Variants in RMDN2 observed in about 807,000 individuals in gnomAD.
RMDN2 encodes the protein regulator of microtubule dynamics protein 2.
In RMDN2, 61 loss-of-function variants were observed where a neutral mutation model predicts 52.8. The observed-to-expected ratio is 1.16, with a 90% CI of 0.94 to 1.43. The LOEUF (loss-of-function observed/expected upper bound fraction) is 1.43. Ranked by LOEUF, RMDN2 falls within the 40% of genes most tolerant of loss-of-function variation. RMDN2 has a pLI of 0.00. For missense variants in RMDN2, 592 were observed against 475.3 expected (o/e 1.25, Z -2.28); for synonymous variants, 180 against 153.1 (o/e 1.18, Z -1.30).
At chr2:38,012,629 A>T (rs1000763141) in intron 10 of RMDN2, 1 of 466,388 alleles carries the variant, frequency 2.1e-6, no homozygotes, top group Non-Finnish European at 4.4e-6. Flanking sequence ...ATTCTTAGCA[A>T]TTTTTTTCCA....
downstream of RMDN2, among the ~76,000 whole-genome samples, chr2:38,020,418 G>A (rs1207942921): frequency 1.3e-5 from 2 of 152,310 alleles, no homozygotes; most frequent in African/African-American, 4.8e-5. Context: ...GGCGGCACTT[G>A]AGGAGCCCTT....
intron 2 of RMDN2, among the ~76,000 whole-genome samples, chr2:37,961,476 G>GATATGGTT (rs1328321151): frequency 1.4e-4 from 21 of 151,738 alleles, no homozygotes; most frequent in African/African-American, 4.8e-4. Flanking sequence ...CTGCTTGATT[G>GATATGGTT]ATATGGTTAT....
At chr2:37,968,397 C>A (rs1162218932) in intron 2 of RMDN2, among the ~76,000 whole-genome samples, 1 of 148,744 alleles carries the variant, frequency 6.7e-6, no homozygotes, top group East Asian at 2.0e-4. Flanking sequence ...CGTGATCACA[C>A]CACTGCCCTC....
In RMDN2 at chr2:38,008,930, T is replaced by A. The variant is rs573187756; in HGVS notation, c.1179+4714T>A. Among the ~76,000 whole-genome samples, 41 of 152,318 alleles carry A rather than the reference T, an allele frequency of 2.7e-4. No homozygotes were observed. In the South Asian group the frequency reaches 4.6e-3, roughly 17 times the overall value. On this transcript the variant is annotated intron_variant, in intron 10 of 10. Transcript: ENST00000354545. The stretch of plus-strand genomic sequence containing the variant: ...GACAAAATCTCTCAGCATTTGCTCG[T>A]CTGTAAGGGATTTTATTTCTCCTTC...
At chr2:38,046,999 G>T (rs1188763347) in intron 10 of RMDN2, among the ~76,000 whole-genome samples, 1 of 151,672 alleles carries the variant, frequency 6.6e-6, no homozygotes, top group Non-Finnish European at 1.5e-5. Flanking sequence ...AAACAAAAAA[G>T]AGCCCAGAAG....
chr2:37,950,856 T>C (rs1369238004), intron 2 of RMDN2, among the ~76,000 whole-genome samples: 1 of 152,122 alleles, frequency 6.6e-6, no homozygotes, highest in Non-Finnish European at 1.5e-5. Context: ...GATATTGTGG[T>C]TTATTACCTT....
chr2:37,951,614 T>C (rs749380869), intron 2 of RMDN2: 3 of 1,613,398 alleles, frequency 1.9e-6, no homozygotes, highest in Admixed American at 3.3e-5. Flanking sequence ...GTAAACTAAG[T>C]ATAGTTTCCT....
rs751827685 is a variant in RMDN2 at position 37,989,633 on chromosome 2, T to C, written c.867+17T>C. 2.6e-5 allele frequency: 40 copies of C among 1,540,408 alleles called. No homozygotes were observed. Among genetic ancestry groups the C allele is most frequent in the Non-Finnish European group, 3.2e-5 (36 of 1,124,498 alleles). On this transcript the variant is annotated intron_variant, in intron 6 of 10. Coordinates refer to ENST00000354545, the MANE Select transcript of RMDN2 (RefSeq NM_001170791.3). ...CTCTTCAAGGTATTTCTTTTTTTTT[T>C]TTCATATTTCTTTTCAGATCCAGAC...
At chr2:37,923,978 G>C (rs190482700), upstream of RMDN2, among the ~76,000 whole-genome samples, 2 of 152,280 alleles carry the variant, frequency 1.3e-5, no homozygotes, top group Non-Finnish European at 2.9e-5. Context: ...ACGAACTCCT[G>C]GCCTCAAGTG....
chr2:38,009,340 G>T (rs1205218659), intron 10 of RMDN2, among the ~76,000 whole-genome samples: 3 of 152,252 alleles, frequency 2.0e-5, no homozygotes, highest in African/African-American at 7.2e-5. Flanking sequence ...ATCACTTTCA[G>T]GTACACCAAT....
intron 10 of RMDN2, among the ~76,000 whole-genome samples, chr2:38,007,431 T>C (rs940699333): frequency 6.6e-6 from 1 of 152,232 alleles, no homozygotes; most frequent in Admixed American, 6.5e-5. Flanking sequence ...GGTTTAGTCT[T>C]GGGAGGGTGT....
At chr2:38,059,406 C>T (rs1681956545) in intron 10 of RMDN2, among the ~76,000 whole-genome samples, 1 of 152,010 alleles carries the variant, frequency 6.6e-6, no homozygotes, top group African/African-American at 2.4e-5. Context: ...TGTAGAAAAT[C>T]CAGCAAGATG....
intron 2 of RMDN2, among the ~76,000 whole-genome samples, chr2:37,968,456 A>G (rs1001703222): frequency 6.6e-6 from 1 of 151,726 alleles, no homozygotes; most frequent in Non-Finnish European, 1.5e-5. Flanking sequence ...AAAAAAAAAA[A>G]AAAAAGAAAG....
At chr2:38,013,637 C>G (rs1678314530) in intron 10 of RMDN2, among the ~76,000 whole-genome samples, 1 of 152,148 alleles carries the variant, frequency 6.6e-6, no homozygotes, top group Non-Finnish European at 1.5e-5. Context: ...AATGCTCTTT[C>G]TTAATTAAGA....
At chr2:37,947,044 G>T (rs1228843820) in intron 2 of RMDN2, among the ~76,000 whole-genome samples, 2 of 152,062 alleles carry the variant, frequency 1.3e-5, no homozygotes, top group East Asian at 3.9e-4. Context: ...TTTATTTTTT[G>T]AAATTATTTT....
intron 10 of RMDN2, among the ~76,000 whole-genome samples, chr2:38,009,567 C>G (rs1312799042): frequency 1.3e-5 from 2 of 152,196 alleles, no homozygotes; most frequent in African/African-American, 2.4e-5. Context: ...CCATCAGGTC[C>G]TTTAAGGAAT....
intron 10 of RMDN2, among the ~76,000 whole-genome samples, chr2:38,012,137 C>A (rs1171535400): frequency 6.6e-6 from 1 of 152,184 alleles, no homozygotes; most frequent in South Asian, 2.1e-4. Flanking sequence ...TGCCCTTCAC[C>A]CTTAGAACAT....
At chr2:37,932,815 G>T (rs1358618497) in intron 2 of RMDN2, among the ~76,000 whole-genome samples, 1 of 131,712 alleles carries the variant, frequency 7.6e-6, no homozygotes, top group African/African-American at 2.8e-5. Context: ...TGGGCGGGGG[G>T]CTGACCCCCC....
chr2:37,997,965 T>A (rs1675795100), intron 8 of RMDN2: 1 of 172,556 alleles, frequency 5.8e-6, no homozygotes, highest in African/African-American at 2.4e-5. Context: ...ACTCCTAAAG[T>A]TGCAGACATT....
Sources: gnomAD v4.1 joint callset for allele counts (sites outside exome capture counted in the v4.1 genomes callset) on GRCh38, gnomAD v4.1.1 for gene constraint, MANE v1.5 for transcripts, NCBI Gene and HGNC (gene_info 2026-07-23, HGNC 2026-07-21) for gene names.